Variants in ATP9B observed in about 807,000 individuals in gnomAD.
The protein encoded by ATP9B is ATPase phospholipid transporting 9B, also known as probable phospholipid-transporting ATPase IIB.
Under a neutral mutation model 146.1 loss-of-function variants are expected in ATP9B, and 110 were observed. That is an observed-to-expected ratio of 0.75 (90% confidence interval 0.65 to 0.88). The LOEUF (loss-of-function observed/expected upper bound fraction) is 0.88, where lower values mean the gene tolerates loss of function less well. Among genes scored for constraint, ATP9B ranks in the 40% least tolerant of loss-of-function variants. The pLI, the probability that ATP9B is intolerant of heterozygous loss-of-function variation, is 0.00. For synonymous variants in ATP9B, 604 were observed against 569.7 expected, an observed-to-expected ratio of 1.06 and a Z score of -0.86; for missense variants, 1,499 against 1,496.4, an observed-to-expected ratio of 1.00 and a Z score of -0.03.
chr18:79,372,008 T>C (rs1224783803), intron 26 of ATP9B, among the ~76,000 whole-genome samples: 2 of 152,218 alleles, frequency 1.3e-5, no homozygotes, highest in Non-Finnish European at 2.9e-5. Context: ...GATGCGAAGG[T>C]GTCAAACAAA....
At chr18:79,249,128 G>A (rs1032507638) in intron 11 of ATP9B, among the ~76,000 whole-genome samples, 2 of 151,110 alleles carry the variant, frequency 1.3e-5, no homozygotes, top group Non-Finnish European at 2.9e-5. Flanking sequence ...GGAGAATACC[G>A]TATTTACCCT....
intron 26 of ATP9B, chr18:79,363,691 G>A (rs1203078871): frequency 6.6e-6 from 1 of 152,294 alleles, no homozygotes; most frequent in East Asian, 1.9e-4. Flanking sequence ...CATGGATTGA[G>A]AGGCATAAAC....
intron 6 of ATP9B, among the ~76,000 whole-genome samples, chr18:79,153,245 T>G (rs796163569): frequency 2.6e-5 from 4 of 152,248 alleles, no homozygotes; most frequent in African/African-American, 9.6e-5. Flanking sequence ...TGACGTATTC[T>G]TAATACAATT....
At chr18:79,291,271 G>A (rs995685359) in intron 13 of ATP9B, among the ~76,000 whole-genome samples, 8 of 151,892 alleles carry the variant, frequency 5.3e-5, no homozygotes, top group African/African-American at 1.5e-4. Context: ...TTGACGTGAC[G>A]GCACTCTTAC....
intron 13 of ATP9B, among the ~76,000 whole-genome samples, chr18:79,295,954 A>G (rs2096544923): frequency 6.6e-6 from 1 of 152,136 alleles, no homozygotes; most frequent in African/African-American, 2.4e-5. Flanking sequence ...GTTGTTTATA[A>G]ACCACTTGGT....
rs144647098 is a variant in ATP9B at position 79,071,462 on chromosome 18, G to A, written c.119+1933G>A. 1.2e-3 allele frequency among the ~76,000 whole-genome samples: 146 copies of A among 122,808 alleles called. 2 individuals carry two copies. The highest frequency in any genetic ancestry group is 4.4e-3 in the African/African-American group (142 of 32,410). The allele number at this position is 122,808 out of a possible 152,430, so 80.6% of individuals were successfully genotyped here. On this transcript the variant is annotated intron_variant, in intron 1 of 29. Transcript: ENST00000426216. ...CCTGGCTGGAGTTAGTGATGCGATC[G>A]TAGCTCATTACAGCTTTGATCTGTT...
chr18:79,294,509 A>G (rs1418516788), intron 13 of ATP9B, among the ~76,000 whole-genome samples: 2 of 152,254 alleles, frequency 1.3e-5, no homozygotes, highest in African/African-American at 4.8e-5. Context: ...GATTGTGGGA[A>G]CTGAAACCGT....
At chr18:79,230,222 C>T (rs758821901) in intron 11 of ATP9B, among the ~76,000 whole-genome samples, 3 of 152,122 alleles carry the variant, frequency 2.0e-5, no homozygotes, top group African/African-American at 4.8e-5. Flanking sequence ...CCACAGCAAT[C>T]GGACAAGAGA....
chr18:79,079,561 G>A (rs1037789334), intron 1 of ATP9B, among the ~76,000 whole-genome samples: 3 of 152,110 alleles, frequency 2.0e-5, no homozygotes, highest in African/African-American at 7.2e-5. Context: ...TTGTCAGATG[G>A]ATAGATTGCA....
At chr18:79,336,565 G>A (rs2096828209) in intron 17 of ATP9B, 63 bp from the exon 18 acceptor site, 2 of 1,492,304 alleles carry the variant, frequency 1.3e-6, no homozygotes, top group African/African-American at 2.8e-5. Context: ...CACTGCCCTG[G>A]CCCCACACAC....
In ATP9B at chr18:79,237,695, G is replaced by A. The variant is rs1376281046; in HGVS notation, c.1108-15686G>A. ...TATTTGACTTTTTTTTTTTTGGGGG[G>A]GGGTGGGGGAAGACAAGGTCTTACT... is the stretch of plus-strand genomic sequence containing the variant. On this transcript the variant is annotated intron_variant, in intron 11 of 29. Coordinates refer to ENST00000426216, the MANE Select transcript of ATP9B (RefSeq NM_198531.5). 4.0e-5 allele frequency among the ~76,000 whole-genome samples: 6 copies of A among 149,940 alleles called. No homozygotes were observed. In the South Asian group the frequency reaches 1.1e-3, roughly 26 times the overall value.
Position 79,377,547 on chromosome 18 carries a change from T to C in ATP9B, c.*164T>C. The C allele has an allele frequency of 1.1e-6, 1 of 913,244 alleles. No homozygotes were observed. The highest frequency in any genetic ancestry group is 1.6e-6 in the Non-Finnish European group (1 of 615,936). The allele number at this position is 913,244 out of a possible 1,614,324, so 56.6% of individuals were successfully genotyped here. A position where few individuals can be genotyped will look rare whatever the true frequency, so the allele number is the denominator to read the frequency against. ...AGGGCACAGATGCTGAGACAGCCTC[T>C]CCTTCTCAGTGCAGGGACGTCACCC... On this transcript the variant is annotated 3_prime_UTR_variant, in exon 30 of 30. Coordinates refer to ENST00000426216, the MANE Select transcript of ATP9B (RefSeq NM_198531.5).
At chr18:79,197,606 G>T (rs914630432) in intron 9 of ATP9B, among the ~76,000 whole-genome samples, 3 of 152,092 alleles carry the variant, frequency 2.0e-5, no homozygotes, top group Non-Finnish European at 4.4e-5. Context: ...AGTAAAGGTT[G>T]CATATAATAA....
Position 79,297,447 on chromosome 18 carries a change from C to T in ATP9B, c.1412-6157C>T, listed in dbSNP as rs116757666. Reference sequence around the variant, plus strand: ...CCACAGGGGCTAGCAAGACGCGGCCCGCCGTTCTCATCGCGTTATGAGGCA... The same window carrying T: ...CCACAGGGGCTAGCAAGACGCGGCCTGCCGTTCTCATCGCGTTATGAGGCA... On this transcript the variant is annotated intron_variant, in intron 13 of 29. Coordinates refer to ENST00000426216, the MANE Select transcript of ATP9B (RefSeq NM_198531.5). Among the ~76,000 whole-genome samples, 998 of 152,348 alleles carry T rather than the reference C, an allele frequency of 6.6e-3. 5 individuals carry two copies. The highest frequency in any genetic ancestry group is 0.022 in the African/African-American group (933 of 41,576).
chr18:79,329,089 G>T (rs367737784), intron 15 of ATP9B, 52 bp from the exon 16 acceptor site: 1 of 1,452,992 alleles, frequency 6.9e-7, no homozygotes, highest in Non-Finnish European at 9.1e-7. Context: ...GCTCGCCTGC[G>T]TGCGGCTTTC....
intron 9 of ATP9B, among the ~76,000 whole-genome samples, chr18:79,205,389 G>C (rs2095524635): frequency 1.5e-5 from 1 of 66,642 alleles, no homozygotes; most frequent in Non-Finnish European, 3.0e-5. Context: ...TAAGTAACTA[G>C]AAGGAAAACA....
chr18:79,376,615 C>A (rs905059670), intron 29 of ATP9B, among the ~76,000 whole-genome samples: 10 of 152,058 alleles, frequency 6.6e-5, no homozygotes, highest in Non-Finnish European at 1.2e-4. Context: ...GTCTCAAACT[C>A]CTGACCTCAG....
chr18:79,281,499 A>G (rs1317490473), intron 13 of ATP9B, among the ~76,000 whole-genome samples: 1 of 150,214 alleles, frequency 6.7e-6, no homozygotes. Context: ...CTCCATTTCA[A>G]AAAAAAAAAG....
intron 13 of ATP9B, among the ~76,000 whole-genome samples, chr18:79,291,544 C>T (rs886309103): frequency 6.6e-6 from 1 of 152,184 alleles, no homozygotes; most frequent in Non-Finnish European, 1.5e-5. Flanking sequence ...TGGGCTTCAT[C>T]TTCATATGTG....
Sources: gnomAD v4.1 joint callset for allele counts (sites outside exome capture counted in the v4.1 genomes callset) on GRCh38, gnomAD v4.1.1 for gene constraint, MANE v1.5 for transcripts, NCBI Gene and HGNC (gene_info 2026-07-23, HGNC 2026-07-21) for gene names.